The following TSHZ2 variants were observed in gnomAD, a reference collection of about 807,000 sequenced individuals.
TSHZ2 encodes teashirt homolog 2.
In TSHZ2, 21 loss-of-function variants were observed where a neutral mutation model predicts 74.4. The ratio of observed to expected loss-of-function variants is 0.28; its 90% CI spans 0.20 to 0.41. The LOEUF (loss-of-function observed/expected upper bound fraction) is 0.41. TSHZ2 is among the 10% of genes least tolerant of loss of function. The probability of loss-of-function intolerance (pLI) is 1.00; values close to 1 mark genes in which losing one functional copy is unlikely to be tolerated. For synonymous variants in TSHZ2, 540 were observed against 515.3 expected, an observed-to-expected ratio of 1.05 and a Z score of -0.65; for missense variants, 1,244 against 1,293.5, an observed-to-expected ratio of 0.96 and a Z score of 0.59.
chr20:53,302,169 T>C (rs182409703), intron 2 of TSHZ2, among the ~76,000 whole-genome samples: 81 of 152,320 alleles, frequency 5.3e-4, no homozygotes, highest in African/African-American at 1.9e-3. Context: ...TGAGGAGCGA[T>C]GATGCCAGGT....
intron 1 of TSHZ2, among the ~76,000 whole-genome samples, chr20:53,209,068 A>G (rs1275464244): frequency 6.6e-6 from 1 of 152,174 alleles, no homozygotes; most frequent in African/African-American, 2.4e-5. Flanking sequence ...CAAAACAACC[A>G]TGACGGCTGT....
At chr20:53,137,811 G>C (rs1432948058) in intron 1 of TSHZ2, among the ~76,000 whole-genome samples, 1 of 152,060 alleles carries the variant, frequency 6.6e-6, no homozygotes, top group Non-Finnish European at 1.5e-5. Flanking sequence ...CAGATCCCAG[G>C]GCTCCAAACA....
chr20:53,064,893 C>T lies in TSHZ2; in HGVS notation c.40+91560C>T, dbSNP rs532616636. Among the ~76,000 whole-genome samples the T allele has an allele frequency of 4.8e-4, 73 of 152,276 alleles. 1 individual carries two copies. The South Asian group carries it at 0.014, about 29-fold the overall frequency. ...AGATGGTAAGACTTCTAAAGTGTTC[C>T]TGCTTGCCTTCAGGGTTTACTCTAC... On this transcript the variant is annotated intron_variant, in intron 1 of 2. Coordinates refer to ENST00000371497, the MANE Select transcript of TSHZ2 (RefSeq NM_173485.6).
intron 1 of TSHZ2, among the ~76,000 whole-genome samples, chr20:53,122,309 A>G (rs1986834742): frequency 6.9e-6 from 1 of 144,038 alleles, no homozygotes; most frequent in South Asian, 2.2e-4. Context: ...AAAAAGAAAG[A>G]AAACAACAGC....
intron 2 of TSHZ2, among the ~76,000 whole-genome samples, chr20:53,425,708 T>C (rs1220063562): frequency 6.6e-6 from 1 of 152,146 alleles, no homozygotes; most frequent in Non-Finnish European, 1.5e-5. Context: ...ACAGACAATA[T>C]AATAATAGGC....
intron 2 of TSHZ2, among the ~76,000 whole-genome samples, chr20:53,481,208 A>G (rs1261122320): frequency 6.6e-6 from 1 of 152,082 alleles, no homozygotes; most frequent in Non-Finnish European, 1.5e-5. Flanking sequence ...TTCAGGTTTA[A>G]TTATCTGCCA....
intron 1 of TSHZ2, among the ~76,000 whole-genome samples, chr20:53,134,783 T>C (rs1301644172): frequency 6.6e-6 from 1 of 152,204 alleles, no homozygotes; most frequent in Admixed American, 6.5e-5. Flanking sequence ...ATCTTCTCCC[T>C]CTTTATGTAC....
intron 1 of TSHZ2, among the ~76,000 whole-genome samples, chr20:53,084,240 G>A (rs77504273): frequency 0.015 from 2,325 of 152,142 alleles, 27 homozygotes; most frequent in Non-Finnish European, 0.023. Context: ...TTTATATATC[G>A]GTTAAATTGT....
chr20:53,309,600 T>C (rs1568862503), intron 2 of TSHZ2, among the ~76,000 whole-genome samples: 1 of 152,230 alleles, frequency 6.6e-6, no homozygotes, highest in Admixed American at 6.5e-5. Flanking sequence ...GCATGATGTG[T>C]ATTTCCAGTA....
chr20:53,384,384 C>T (rs1250647737), intron 2 of TSHZ2, among the ~76,000 whole-genome samples: 10 of 152,180 alleles, frequency 6.6e-5, no homozygotes, highest in Non-Finnish European at 1.2e-4. Flanking sequence ...CACGCAGACC[C>T]GTTTATTTAG....
At chr20:53,281,857 A>T (rs1222664065) in intron 2 of TSHZ2, among the ~76,000 whole-genome samples, 1 of 151,944 alleles carries the variant, frequency 6.6e-6, no homozygotes, top group Non-Finnish European at 1.5e-5. Context: ...TGACTGATTG[A>T]CTCCACATCA....
intron 1 of TSHZ2, among the ~76,000 whole-genome samples, chr20:53,126,488 T>C (rs2123368935): frequency 6.6e-6 from 1 of 152,286 alleles, no homozygotes; most frequent in East Asian, 1.9e-4. Flanking sequence ...TATTTGTTAG[T>C]GAAATGGAGC....
At chr20:53,265,516 C>A (rs1990695683) in intron 2 of TSHZ2, among the ~76,000 whole-genome samples, 2 of 152,194 alleles carry the variant, frequency 1.3e-5, no homozygotes, top group South Asian at 4.1e-4. Context: ...GCAGCGTTAA[C>A]CTACTCCGTG....
intron 2 of TSHZ2, among the ~76,000 whole-genome samples, chr20:53,294,834 T>A (rs1210992471): frequency 6.6e-6 from 1 of 152,192 alleles, no homozygotes; most frequent in Non-Finnish European, 1.5e-5. Context: ...TTCTCAAGTT[T>A]CCCTTTGAAA....
At position 53,414,956 on chromosome 20, in the gene TSHZ2, GGATT is replaced by G. The variant is rs199997117; in HGVS notation, c.*9-72181_*9-72178del. 4.7e-3 allele frequency among the ~76,000 whole-genome samples: 709 copies of G among 152,186 alleles called. 10 individuals are homozygous for G. The highest frequency in any genetic ancestry group is 0.015 in the East Asian group (80 of 5,164). On this transcript the variant is annotated intron_variant, in intron 2 of 2. Coordinates refer to ENST00000371497, the MANE Select transcript of TSHZ2 (RefSeq NM_173485.6). ...GAACAGCTTCTTCAGGGTTTTTAGA[GGATT>G]GATTGAGATAATGTTTGTAAAATGC...
At chr20:53,419,655 C>G (rs781122619) in intron 2 of TSHZ2, among the ~76,000 whole-genome samples, 4 of 152,180 alleles carry the variant, frequency 2.6e-5, no homozygotes, top group Non-Finnish European at 5.9e-5. Flanking sequence ...ACCACAGGCC[C>G]CTTCCACAGC....
intron 2 of TSHZ2, among the ~76,000 whole-genome samples, chr20:53,292,783 G>C (rs555367815): frequency 6.6e-6 from 1 of 152,284 alleles, no homozygotes; most frequent in East Asian, 1.9e-4. Context: ...AGGCTCCAGA[G>C]CAATGGCTCC....
intron 2 of TSHZ2, among the ~76,000 whole-genome samples, chr20:53,430,100 AAG>A (rs1164247716): frequency 6.6e-6 from 1 of 152,128 alleles, no homozygotes; most frequent in African/African-American, 2.4e-5. Context: ...ATTATTGCTT[AAG>A]GGGATAAGGC....
At chr20:53,165,367 T>C (rs1218296369) in intron 1 of TSHZ2, among the ~76,000 whole-genome samples, 1 of 152,184 alleles carries the variant, frequency 6.6e-6, no homozygotes, top group Non-Finnish European at 1.5e-5. Flanking sequence ...CCTTCAAGCC[T>C]TTTCCTAATC....
Sources: allele counts gnomAD v4.1 joint callset (sites outside exome capture counted in the v4.1 genomes callset), GRCh38; gene constraint gnomAD v4.1.1; transcripts MANE v1.5; gene names NCBI Gene and HGNC (gene_info 2026-07-23, HGNC 2026-07-21).